ANKRD28: variants seen among roughly 807,000 people sequenced by gnomAD.
ANKRD28 encodes serine/threonine-protein phosphatase 6 regulatory ankyrin repeat subunit A.
A neutral mutation model predicts 126.5 loss-of-function variants in ANKRD28; 44 were observed. The observed-to-expected ratio is 0.35, with a 90% CI of 0.27 to 0.45. The LOEUF is 0.45. Ranked by LOEUF, ANKRD28 falls within the 20% of genes least tolerant of loss-of-function variation. The probability of loss-of-function intolerance (pLI) is 1.00; values close to 1 mark genes in which losing one functional copy is unlikely to be tolerated. For synonymous variants in ANKRD28, 442 were observed against 468.5 expected (o/e 0.94, Z 0.73); for missense variants, 1,110 against 1,316.6 (o/e 0.84, Z 2.43).
chr3:15,717,325 T>C (rs2073184282), intron 8 of ANKRD28, among the ~76,000 whole-genome samples: 1 of 152,082 alleles, frequency 6.6e-6, no homozygotes, highest in African/African-American at 2.4e-5. Context: ...TCAACATTTT[T>C]ACTTTCTACA....
chr3:15,811,323 G>C (rs891322259), intron 1 of ANKRD28, among the ~76,000 whole-genome samples: 1 of 152,060 alleles, frequency 6.6e-6, no homozygotes, highest in Non-Finnish European at 1.5e-5. Context: ...ATTTAAGTAG[G>C]GTAGCTAACA....
chr3:15,850,262 G>GAGAT (rs1179512677), intron 1 of ANKRD28, among the ~76,000 whole-genome samples: 5 of 135,080 alleles, frequency 3.7e-5, no homozygotes, highest in African/African-American at 1.4e-4. Context: ...GAGAGAGAGA[G>GAGAT]AAAGTTGAAA....
intron 14 of ANKRD28, among the ~76,000 whole-genome samples, chr3:15,701,036 A>G (rs1021207392): frequency 1.3e-5 from 2 of 152,186 alleles, no homozygotes; most frequent in African/African-American, 4.8e-5. Context: ...TGGGGAAAAA[A>G]TTCTTTAATC....
Position 15,816,994 on chromosome 3 carries a change from G to A in ANKRD28, c.28-21688C>T, listed in dbSNP as rs551593345. Among the ~76,000 whole-genome samples, 24 of 152,178 alleles carry A rather than the reference G, an allele frequency of 1.6e-4. No individual in the cohort carries two copies. Among genetic ancestry groups the A allele is most frequent in the African/African-American group, 5.5e-4 (23 of 41,522 alleles). On this transcript the variant is annotated intron_variant, in intron 1 of 27. Transcript: ENST00000399451. This position sits in a 1 kb window ranked among gnomAD's most constrained non-coding sequence, Gnocchi z 5.0. Reference sequence around the variant, plus strand: ...GAGGATCACTTCAGCTCAGGAGTTGGAGACCAGCCTGGACAACACAGCAAA... The same window carrying A: ...GAGGATCACTTCAGCTCAGGAGTTGAAGACCAGCCTGGACAACACAGCAAA...
chr3:15,802,015 T>G (rs1195405868), upstream of ANKRD28, among the ~76,000 whole-genome samples: 1 of 152,196 alleles, frequency 6.6e-6, no homozygotes, highest in Non-Finnish European at 1.5e-5. Flanking sequence ...TAATATTACA[T>G]GTGTTTTCTG....
At chr3:15,820,121 T>C (rs926025035) in intron 1 of ANKRD28, among the ~76,000 whole-genome samples, 2 of 152,200 alleles carry the variant, frequency 1.3e-5, no homozygotes, top group South Asian at 2.1e-4. Context: ...ATGAATCAAG[T>C]TGACAACATT....
At position 15,668,400 on chromosome 3, in the gene ANKRD28, T is replaced by C. The variant is rs2066089381; in HGVS notation, c.*1870A>G. 1 of 152,418 alleles carries C rather than the reference T, an allele frequency of 6.6e-6. No homozygotes were observed. Among genetic ancestry groups the C allele is most frequent in the South Asian group, 2.1e-4 (1 of 4,818 alleles). The allele number at this position is 152,418 out of a possible 1,614,324, so 9.4% of individuals were successfully genotyped here. On this transcript the variant is annotated 3_prime_UTR_variant, in exon 28 of 28. Transcript: ENST00000683139. ...GTACAATAGAAAATGTAGTCCACTG[T>C]CATTAAAATGCATATTCACCTTCCT...
At position 15,833,946 on chromosome 3, in the gene ANKRD28, T is replaced by C. The variant is rs531229673; in HGVS notation, c.27+25431A>G. On this transcript the variant is annotated intron_variant, in intron 1 of 27. Transcript: ENST00000399451. The surrounding 1 kb of genome is among the most constrained non-coding windows in gnomAD (Gnocchi z 4.4). ...CCATTTTTTAATGTTTGTTTTTTTCTTAAGTTCCTTGTAGATTCTGGATAT... is the reference window on the plus strand; with the variant it reads ...CCATTTTTTAATGTTTGTTTTTTTCCTAAGTTCCTTGTAGATTCTGGATAT... Among the ~76,000 whole-genome samples, 28 of 152,324 alleles carry C rather than the reference T, an allele frequency of 1.8e-4. No homozygotes were observed. Among genetic ancestry groups the C allele is most frequent in the Middle Eastern group, 3.4e-3 (1 of 294 alleles).
At chr3:15,692,035 G>A (rs1220340840) in intron 17 of ANKRD28, among the ~76,000 whole-genome samples, 2 of 151,846 alleles carry the variant, frequency 1.3e-5, no homozygotes, top group Non-Finnish European at 1.5e-5. Context: ...AGCTATGCAG[G>A]AGGCTGAGGC....
At chr3:15,776,078 G>GT (rs200633159) in intron 2 of ANKRD28, among the ~76,000 whole-genome samples, 18 of 152,086 alleles carry the variant, frequency 1.2e-4, no homozygotes, top group Admixed American at 5.2e-4. Flanking sequence ...AATTACAAGG[G>GT]TTTTTTAGAA....
At chr3:15,746,710 C>T (rs1004970961) in intron 4 of ANKRD28, among the ~76,000 whole-genome samples, 2 of 152,152 alleles carry the variant, frequency 1.3e-5, no homozygotes, top group Non-Finnish European at 2.9e-5. Context: ...TAGGGTGACA[C>T]TGGCTTCATA....
At chr3:15,826,568 A>G (rs1413724771) in intron 1 of ANKRD28, among the ~76,000 whole-genome samples, 2 of 152,198 alleles carry the variant, frequency 1.3e-5, no homozygotes, top group African/African-American at 2.4e-5. Flanking sequence ...CTCTAGTTAT[A>G]TATGTAAATA....
Position 15,829,939 on chromosome 3 carries a change from TA to T in ANKRD28, c.27+29437del, listed in dbSNP as rs35231161. 5.1e-3 allele frequency among the ~76,000 whole-genome samples: 716 copies of T among 140,188 alleles called. 3 individuals carry two copies. Among genetic ancestry groups the T allele is most frequent in the African/African-American group, 0.01 (388 of 38,238 alleles). 92.0% of individuals were successfully genotyped at this position (140,188 alleles called of 152,430 possible). A position where few individuals can be genotyped will look rare whatever the true frequency, so the allele number is the denominator to read the frequency against. On this transcript the variant is annotated intron_variant, in intron 1 of 27. Transcript: ENST00000399451. ...TTTTTCAAGTAAAAAGGTATTCTATTAAAAAAAAAAAAAAGTCTAGTCCAGC... is the reference window on the plus strand; with the variant it reads ...TTTTTCAAGTAAAAAGGTATTCTATTAAAAAAAAAAAAAGTCTAGTCCAGC...
Position 15,766,311 on chromosome 3 carries a change from T to A in ANKRD28, c.203A>T (p.Asp68Val). The stretch of plus-strand genomic sequence containing the variant: ...GTGCAATGGGGTTCGCTTTTCATTG[T>A]CCTGTGATAATAAGGAAAGGTGGGA... ...IFKKEDVNFQ[D>V]NEKRTPLHAA... The change falls in exon 3 of 28, where the codon GAC becomes GTC. Residue 68 changes from aspartate to valine, a missense_variant and splice_region_variant. Transcript: ENST00000683139. 6.2e-7 allele frequency: 1 copy of A among 1,607,970 alleles called. No homozygotes were observed.
chr3:15,683,728 T>C (rs2067790668), intron 21 of ANKRD28: 1 of 152,164 alleles, frequency 6.6e-6, no homozygotes, highest in Non-Finnish European at 1.5e-5. Context: ...ATCAAAATAT[T>C]GTATCTCAGA....
At chr3:15,741,346 T>C (rs2075456149) in intron 4 of ANKRD28, among the ~76,000 whole-genome samples, 1 of 152,198 alleles carries the variant, frequency 6.6e-6, no homozygotes. Context: ...AAAGAGCCTG[T>C]CATACCCTAG....
chr3:15,799,072 T>C (rs1027806334), upstream of ANKRD28, among the ~76,000 whole-genome samples: 12 of 152,018 alleles, frequency 7.9e-5, no homozygotes, highest in Admixed American at 5.2e-4. Context: ...TTTAAACACA[T>C]ACTCTTTCTA....
Position 15,797,750 on chromosome 3 carries a change from A to C in ANKRD28, c.-1229T>G. 3 of 985,402 alleles carry C rather than the reference A, an allele frequency of 3.0e-6. No homozygotes were observed. Among genetic ancestry groups the C allele is most frequent in the Non-Finnish European group, 3.6e-6 (3 of 829,928 alleles). The allele number at this position is 985,402 out of a possible 1,614,324, so 61.0% of individuals were successfully genotyped here. ...CAATATAGTTTCCTTCCACTGTGAA[A>C]ACCGCCACAGTTATCCTTTTCAGAT... On this transcript the variant is annotated 5_prime_UTR_variant, in exon 1 of 28. Transcript: ENST00000683139.
At position 15,735,489 on chromosome 3, in the gene ANKRD28, T is replaced by C; in HGVS notation, c.561A>G (p.Lys187=). 1 of 1,553,150 alleles carries C rather than the reference T, an allele frequency of 6.4e-7. No individual in the cohort carries two copies. The highest frequency in any genetic ancestry group is 8.7e-7 in the Non-Finnish European group (1 of 1,147,468). The change falls in exon 6 of 28, where the codon AAA becomes AAG. Residue 187 remains lysine (K), a synonymous_variant. Transcript: ENST00000683139. ...AAFSGHGEMV[K]LLLSRGANIN... is the part of the protein sequence containing the mutation. The stretch of plus-strand genomic sequence containing the variant: ...TATTGGCACCTCTAGACAAGAGTAG[T>C]TTGACCATCTGGAATAGAAGTAAAC...
Sources: gnomAD v4.1 joint callset for allele counts (sites outside exome capture counted in the v4.1 genomes callset) on GRCh38, gnomAD v4.1.1 for gene constraint, Gnocchi (gnomAD v3.1) non-coding constraint, MANE v1.5 for transcripts, NCBI Gene and HGNC (gene_info 2026-07-23, HGNC 2026-07-21) for gene names.